ITGA8: variants seen among roughly 807,000 people sequenced by gnomAD.
ITGA8 encodes integrin alpha-8.
In ITGA8, 91 loss-of-function variants were observed where a neutral mutation model predicts 142.3. That is an observed-to-expected ratio of 0.64 (90% CI 0.54 to 0.76). The LOEUF (loss-of-function observed/expected upper bound fraction) is 0.76. ITGA8 is among the 30% of genes least tolerant of loss of function. ITGA8 has a pLI of 0.00. For synonymous variants in ITGA8, 505 were observed against 485.2 expected (o/e 1.04, Z -0.54); for missense variants, 1,406 against 1,327.7 (o/e 1.06, Z -0.92).
At chr10:15,536,053 G>A (rs7906329) in intron 27 of ITGA8, among the ~76,000 whole-genome samples, 8,313 of 151,874 alleles carry the variant, frequency 0.055, 734 homozygotes, top group African/African-American at 0.19. Flanking sequence ...CCAGAAGGAA[G>A]AAACTCTGAA....
At chr10:15,557,792 G>A (rs1833911137) in intron 26 of ITGA8, among the ~76,000 whole-genome samples, 1 of 152,242 alleles carries the variant, frequency 6.6e-6, no homozygotes, top group Non-Finnish European at 1.5e-5. Flanking sequence ...GAAAGTGTAT[G>A]TTCCTGAAAT....
rs774014496 is a variant in ITGA8 at position 15,677,614 on chromosome 10, T to G, written c.654A>C (p.Gly218=). 3 of 1,613,452 alleles carry G rather than the reference T, an allele frequency of 1.9e-6. No individual in the cohort carries two copies. The highest frequency in any genetic ancestry group is 1.3e-5 in the African/African-American group (1 of 74,866). The change falls in exon 6 of 30, where the codon GGA becomes GGC. Residue 218 remains glycine, a synonymous_variant. Transcript: ENST00000378076. ...TACCTTGCCAGTAGAAACTCCCAGG[T>G]CCTCCCACAATAAGGTCTCCATTCT... ...FYKNGDLIVG[G]PGSFYWQGQV...
chr10:15,590,249 A>G (rs1832902025), intron 22 of ITGA8, among the ~76,000 whole-genome samples: 1 of 152,216 alleles, frequency 6.6e-6, no homozygotes, highest in Non-Finnish European at 1.5e-5. Context: ...GGGAATGTTA[A>G]AAACGTGGCC....
chr10:15,645,092 CAA>C (rs1168510743), intron 12 of ITGA8, among the ~76,000 whole-genome samples: 1,075 of 46,690 alleles, frequency 0.023, 2 homozygotes, highest in African/African-American at 0.085. Context: ...GACTCTGTCT[CAA>C]AAAAAAAAAA....
chr10:15,702,641 T>C (rs1835186921), intron 2 of ITGA8, among the ~76,000 whole-genome samples: 1 of 152,170 alleles, frequency 6.6e-6, no homozygotes, highest in African/African-American at 2.4e-5. Flanking sequence ...TGGTTGGGCT[T>C]CCTTTCCATT....
intron 22 of ITGA8, among the ~76,000 whole-genome samples, chr10:15,589,937 A>G (rs1005983183): frequency 6.6e-6 from 1 of 151,762 alleles, no homozygotes; most frequent in Non-Finnish European, 1.5e-5. Flanking sequence ...TAATTTTTGT[A>G]CTTTTAGTAG....
chr10:15,603,840 A>C (rs574491841), intron 20 of ITGA8, among the ~76,000 whole-genome samples: 2 of 152,292 alleles, frequency 1.3e-5, no homozygotes, highest in South Asian at 4.1e-4. Flanking sequence ...GCTTCCTGAC[A>C]TGTGCTTGAA....
At chr10:15,548,804 C>CA (rs1253491429) in intron 26 of ITGA8, among the ~76,000 whole-genome samples, 1 of 152,176 alleles carries the variant, frequency 6.6e-6, no homozygotes, top group Non-Finnish European at 1.5e-5. Flanking sequence ...TTAAGAGAAT[C>CA]TTTCTGCAGC....
chr10:15,544,332 A>G (rs781004912), intron 27 of ITGA8, among the ~76,000 whole-genome samples: 3 of 152,108 alleles, frequency 2.0e-5, no homozygotes, highest in Non-Finnish European at 4.4e-5. Flanking sequence ...AACAACAACA[A>G]CAAAACCAAA....
At position 15,646,829 on chromosome 10, in the gene ITGA8, G is replaced by A. The variant is rs774590052; in HGVS notation, c.1207+17C>T. On this transcript the variant is annotated intron_variant, in intron 12 of 29. Coordinates refer to ENST00000378076, the MANE Select transcript of ITGA8 (RefSeq NM_003638.3). ...GTGACGACACATAAATGACTTCCACGCTTTGGTTTAAATTACCATTGTATC... is the reference window on the plus strand; with the variant it reads ...GTGACGACACATAAATGACTTCCACACTTTGGTTTAAATTACCATTGTATC... 1.2e-6 allele frequency: 2 copies of A among 1,601,906 alleles called. No homozygotes were observed. The highest frequency in any genetic ancestry group is 1.1e-5 in the South Asian group (1 of 90,650).
chr10:15,652,210 T>C (rs1413112010), intron 11 of ITGA8, among the ~76,000 whole-genome samples: 1 of 152,250 alleles, frequency 6.6e-6, no homozygotes, highest in Non-Finnish European at 1.5e-5. Context: ...AAAAGTACTA[T>C]AAACATTCTC....
intron 25 of ITGA8, among the ~76,000 whole-genome samples, chr10:15,560,690 TA>T (rs1026554765): frequency 2.0e-5 from 3 of 152,150 alleles, no homozygotes; most frequent in Non-Finnish European, 4.4e-5. Context: ...AAGATATTAG[TA>T]AGGGGAAAAG....
At chr10:15,549,463 G>A (rs1394539188) in intron 26 of ITGA8, among the ~76,000 whole-genome samples, 1 of 151,912 alleles carries the variant, frequency 6.6e-6, no homozygotes, top group African/African-American at 2.4e-5. Flanking sequence ...CACCCGCCTC[G>A]GCCTCCCAAG....
At chr10:15,559,294 C>A (rs1833935490) in intron 25 of ITGA8, among the ~76,000 whole-genome samples, 1 of 152,200 alleles carries the variant, frequency 6.6e-6, no homozygotes, top group African/African-American at 2.4e-5. Flanking sequence ...GCTCTTCGTT[C>A]CCGATGGCCC....
intron 11 of ITGA8, among the ~76,000 whole-genome samples, chr10:15,651,976 G>A (rs562167330): frequency 4.6e-5 from 7 of 152,024 alleles, no homozygotes; most frequent in Admixed American, 2.0e-4. Context: ...CTTTATGAAC[G>A]GCATTAGTAA....
At chr10:15,590,676 G>T (rs1038636968) in intron 22 of ITGA8, among the ~76,000 whole-genome samples, 1 of 152,146 alleles carries the variant, frequency 6.6e-6, no homozygotes, top group African/African-American at 2.4e-5. Flanking sequence ...ATCAACAGAA[G>T]ATTTCCAAAA....
At chr10:15,619,705 CT>C (rs142189790) in intron 13 of ITGA8, among the ~76,000 whole-genome samples, 13 of 151,688 alleles carry the variant, frequency 8.6e-5, no homozygotes, top group African/African-American at 1.9e-4. Context: ...CAGATTGGTA[CT>C]TTTTTTTTCT....
rs1015951222 is a variant in ITGA8, at chr10:15,719,694, C to T, written c.78G>A (p.Ala26=). ...CGGGGGACCACAGCAACATCCCCAG[C>T]GCGGCCGCGGCGCAGCAGAGGGGCG... is the stretch of plus-strand genomic sequence containing the variant. ...LIAPLCCAAA[A]LGMLLWSPAC... Residue 26 remains alanine (A), a synonymous_variant, in exon 1 of 30, where the codon GCG becomes GCA. Coordinates refer to ENST00000378076, the MANE Select transcript of ITGA8 (RefSeq NM_003638.3). 6.2e-6 allele frequency: 9 copies of T among 1,460,028 alleles called. No individual in the cohort carries two copies. Among genetic ancestry groups the T allele is most frequent in the Middle Eastern group, 1.8e-4 (1 of 5,506 alleles). The allele number at this position is 1,460,028 out of a possible 1,614,324, so 90.4% of individuals were successfully genotyped here.
chr10:15,548,681 T>C (rs867964397), intron 26 of ITGA8, 113 bp from the exon 27 acceptor site: 1 of 618,452 alleles, frequency 1.6e-6, no homozygotes, highest in Non-Finnish European at 2.8e-6. Context: ...TATGATAAAT[T>C]ATTAATGTAA....
Sources: allele counts gnomAD v4.1 joint callset (sites outside exome capture counted in the v4.1 genomes callset), GRCh38; gene constraint gnomAD v4.1.1; transcripts MANE v1.5; gene names NCBI Gene and HGNC (gene_info 2026-07-23, HGNC 2026-07-21).